Variants in ZNF516 observed in about 807,000 individuals in gnomAD.
ZNF516 encodes the protein zinc finger protein 516.
ZNF516 carries 19 observed loss-of-function variants against 79.7 expected under a neutral mutation model. The ratio of observed to expected loss-of-function variants is 0.24; its 90% CI spans 0.17 to 0.35. ZNF516 has a LOEUF of 0.35. Ranked by LOEUF, ZNF516 falls within the 10% of genes least tolerant of loss-of-function variation. The pLI is 1.00. For missense variants in ZNF516, 1,678 were observed against 1,679.5 expected, an observed-to-expected ratio of 1.00 and a Z score of 0.02; for synonymous variants, 877 against 739.5, an observed-to-expected ratio of 1.19 and a Z score of -3.02.
chr18:76,373,326 A>C (rs2074737615), intron 4 of ZNF516, among the ~76,000 whole-genome samples: 2 of 152,020 alleles, frequency 1.3e-5, no homozygotes, highest in South Asian at 2.1e-4. Flanking sequence ...AAAGAAAAGA[A>C]GGAAGTAAAG....
chr18:76,488,029 CACAA>C (rs1914931404), intron 1 of ZNF516: 8 of 985,394 alleles, frequency 8.1e-6, no homozygotes, highest in South Asian at 4.7e-5. Context: ...ATCACTGCTG[CACAA>C]ACAGAGGCTT....
In ZNF516 at chr18:76,400,969, C is replaced by CAA. The variant is rs201321304; in HGVS notation, c.1811-20668_1811-20667dup. On this transcript the variant is annotated intron_variant, in intron 3 of 6. Coordinates refer to ENST00000443185, the MANE Select transcript of ZNF516 (RefSeq NM_014643.4). ...AGTGTCCATTAAAATGATGTAAACA[C>CAA]AATATATATATATATACATTTCTCC... 5.9e-5 allele frequency among the ~76,000 whole-genome samples: 9 copies of CAA among 152,110 alleles called. No homozygotes were observed. In the South Asian group the frequency reaches 6.2e-4, roughly 11 times the overall value.
At chr18:76,392,639 G>A (rs62110874) in intron 3 of ZNF516, among the ~76,000 whole-genome samples, 1,849 of 118,136 alleles carry the variant, frequency 0.016, 83 homozygotes, top group Non-Finnish European at 0.024. Context: ...GTGGAGGGAG[G>A]GCAGGCGGGA....
Position 76,442,670 on chromosome 18 carries a change from T to C in ZNF516, c.385A>G (p.Asn129Asp). 1 of 1,585,014 alleles carries C rather than the reference T, an allele frequency of 6.3e-7. No homozygotes were observed. The highest frequency in any genetic ancestry group is 1.1e-5 in the South Asian group (1 of 89,048). ...KSASACNRLL[N>D]GASQADGARV... ...GCGCCGTCGGCCTGCGAGGCCCCGT[T>C]CAGCAGCCGGTTGCAGGCCGAGGCG... The change falls in exon 3 of 7, where the codon AAC (asparagine) becomes GAC (aspartate). Residue 129 changes from asparagine (N) to aspartate (D), a missense_variant. Asn to Asp is a conservative substitution (Grantham distance 23). Around this residue, in one of 5 missense-constraint regions of ZNF516, gnomAD observed 279 missense variants for 254.1 expected, o/e 1.10. Coordinates refer to ENST00000443185, the MANE Select transcript of ZNF516 (RefSeq NM_014643.4).
At position 76,443,100 on chromosome 18, in the gene ZNF516, C is replaced by T. The variant is rs1180790771; in HGVS notation, c.-46G>A. 5 of 1,531,998 alleles carry T rather than the reference C, an allele frequency of 3.3e-6. No individual in the cohort carries two copies. The highest frequency in any genetic ancestry group is 4.4e-6 in the Non-Finnish European group (5 of 1,146,914). The allele number at this position is 1,531,998 out of a possible 1,614,324, so 94.9% of individuals were successfully genotyped here. On this transcript the variant is annotated 5_prime_UTR_variant, in exon 3 of 7. Transcript: ENST00000443185. ...GTGGTGGCGGCACAGCTTTCTGTCG[C>T]GCGGGCTGCAGGGACCGTCCTATCT...
At chr18:76,440,766 G>GCT (rs751577644) in intron 3 of ZNF516, among the ~76,000 whole-genome samples, 1 of 150,830 alleles carries the variant, frequency 6.6e-6, no homozygotes, top group African/African-American at 2.4e-5. Flanking sequence ...GTGTGTGCGC[G>GCT]CACGCGCGCA....
At chr18:76,400,112 G>T (rs866342203) in intron 3 of ZNF516, among the ~76,000 whole-genome samples, 2 of 152,100 alleles carry the variant, frequency 1.3e-5, no homozygotes, top group South Asian at 4.1e-4. Context: ...GCAGGAGGGT[G>T]TGAAAGGGCT....
intron 1 of ZNF516, chr18:76,490,273 T>C (rs1315496304): frequency 1.1e-6 from 1 of 884,100 alleles, no homozygotes; most frequent in Non-Finnish European, 1.4e-6. Context: ...GCAACTTCAC[T>C]CTCCAATTTT....
chr18:76,376,533 C>CAA (rs10708911), intron 4 of ZNF516, among the ~76,000 whole-genome samples: 2,691 of 132,764 alleles, frequency 0.02, 79 homozygotes, highest in African/African-American at 0.075. Flanking sequence ...CTCTCTCTTT[C>CAA]AAAAAAAAAA....
rs142545110 is a variant in ZNF516, at chr18:76,471,103, C to T, written c.-271-7962G>A. 1.4e-3 allele frequency among the ~76,000 whole-genome samples: 216 copies of T among 152,220 alleles called. 1 individual carries two copies. The highest frequency in any genetic ancestry group is 4.4e-3 in the East Asian group (23 of 5,182). On this transcript the variant is annotated intron_variant, in intron 1 of 6. Coordinates refer to ENST00000443185, the MANE Select transcript of ZNF516 (RefSeq NM_014643.4). ...CAAAAATATGATTTACAGTATTCCTCACCAATCTGTTGGGCAGAAGAAACA... is the reference window on the plus strand; with the variant it reads ...CAAAAATATGATTTACAGTATTCCTTACCAATCTGTTGGGCAGAAGAAACA...
chr18:76,490,885 G>A (rs1201024821), intron 1 of ZNF516: 1 of 985,362 alleles, frequency 1.0e-6, no homozygotes, highest in Admixed American at 6.1e-5. Context: ...GGGCACATCT[G>A]GGCTTTTCCA....
At chr18:76,399,282 C>T (rs2075186845) in intron 3 of ZNF516, among the ~76,000 whole-genome samples, 1 of 152,248 alleles carries the variant, frequency 6.6e-6, no homozygotes, top group South Asian at 2.1e-4. Context: ...AAGCACAGCA[C>T]TGTCAGTATA....
At chr18:76,417,432 T>C (rs1225666267) in intron 3 of ZNF516, among the ~76,000 whole-genome samples, 1 of 152,270 alleles carries the variant, frequency 6.6e-6, no homozygotes, top group Non-Finnish European at 1.5e-5. Context: ...TCAATGACTT[T>C]TGGTTTTTAA....
chr18:76,488,414 G>A (rs565868483), intron 1 of ZNF516, among the ~76,000 whole-genome samples: 1 of 151,820 alleles, frequency 6.6e-6, no homozygotes, highest in Non-Finnish European at 1.5e-5. Flanking sequence ...AAGGAAGTCA[G>A]AGCGGCACAC....
intron 3 of ZNF516, among the ~76,000 whole-genome samples, chr18:76,415,716 G>C (rs557488256): frequency 6.6e-6 from 1 of 152,294 alleles, no homozygotes; most frequent in African/African-American, 2.4e-5. Flanking sequence ...ACTGCAAATT[G>C]CATCTCTCTC....
chr18:76,374,142 A>G (rs983212264), intron 4 of ZNF516, among the ~76,000 whole-genome samples: 1 of 152,254 alleles, frequency 6.6e-6, no homozygotes, highest in Admixed American at 6.5e-5. Context: ...CATCACCACA[A>G]TATGAAGGCC....
intron 1 of ZNF516, among the ~76,000 whole-genome samples, chr18:76,463,888 C>T (rs1350873233): frequency 1.3e-5 from 2 of 152,148 alleles, no homozygotes; most frequent in Non-Finnish European, 2.9e-5. Flanking sequence ...AAGCAGTGCT[C>T]GAAAGCTTAT....
At position 76,378,841 on chromosome 18, in the gene ZNF516, C is replaced by A. The variant is rs754834093; in HGVS notation, c.3259+14G>T. ...CACATGTGGCCTGGGGAAGAGAGGG[C>A]CCGCACATCTTACCTCTGTGCTCCA... On this transcript the variant is annotated intron_variant, in intron 4 of 6. Transcript: ENST00000443185. 2 of 1,605,096 alleles carry A rather than the reference C, an allele frequency of 1.2e-6. No individual in the cohort carries two copies. The highest frequency in any genetic ancestry group is 1.1e-5 in the South Asian group (1 of 90,076).
chr18:76,440,761 T>TGTGTGCGCGC (rs571461431), intron 3 of ZNF516, among the ~76,000 whole-genome samples: 3 of 150,246 alleles, frequency 2.0e-5, no homozygotes, highest in African/African-American at 7.3e-5. Flanking sequence ...TGTGTGTGTG[T>TGTGTGCGCGC]GCGCGCACGC....
Sources: gnomAD v4.1 joint callset for allele counts (sites outside exome capture counted in the v4.1 genomes callset) on GRCh38, gnomAD v4.1.1 for gene constraint, gnomAD v4.1.1 regional missense constraint, MANE v1.5 for transcripts, NCBI Gene and HGNC (gene_info 2026-07-23, HGNC 2026-07-21) for gene names.